The following PPM1E variants were observed in gnomAD, a reference collection of about 807,000 sequenced individuals.
PPM1E encodes protein phosphatase 1E.
PPM1E carries 20 observed loss-of-function variants against 65.9 expected under a neutral mutation model. The ratio of observed to expected loss-of-function variants is 0.30; its 90% CI spans 0.21 to 0.44. The LOEUF (loss-of-function observed/expected upper bound fraction) is 0.44, where lower values mean the gene tolerates loss of function less well. Ranked by LOEUF, PPM1E falls within the 20% of genes least tolerant of loss-of-function variation. The pLI is 1.00. For missense variants in PPM1E, 713 were observed against 953.1 expected, an observed-to-expected ratio of 0.75 and a Z score of 3.32; for synonymous variants, 352 against 374.9, an observed-to-expected ratio of 0.94 and a Z score of 0.70.
intron 1 of PPM1E, among the ~76,000 whole-genome samples, chr17:58,808,465 C>T (rs1333709315): frequency 3.3e-5 from 5 of 151,950 alleles, no homozygotes; most frequent in African/African-American, 4.8e-5. Flanking sequence ...TTTAATTTTA[C>T]AATTTTCTTT....
chr17:58,967,751 T>A lies in PPM1E; in HGVS notation c.784-1788T>A, dbSNP rs116403058. 3.0e-3 allele frequency among the ~76,000 whole-genome samples: 449 copies of A among 151,966 alleles called. 2 individuals carry two copies. The highest frequency in any genetic ancestry group is 0.01 in the African/African-American group (434 of 41,498). ...GGTGCTATTTCGAGTTGTTTAAAAA[T>A]GAGTACTGCTTTAGTAGGGATAGAA... On this transcript the variant is annotated intron_variant, in intron 3 of 6. Coordinates refer to ENST00000308249, the MANE Select transcript of PPM1E (RefSeq NM_014906.5).
intron 1 of PPM1E, among the ~76,000 whole-genome samples, chr17:58,768,909 TC>T (rs1374172849): frequency 1.3e-5 from 2 of 152,182 alleles, no homozygotes; most frequent in African/African-American, 4.8e-5. Context: ...CCTCAGGTGT[TC>T]CACCTGCCTC....
chr17:58,791,141 C>T (rs946516724), intron 1 of PPM1E, among the ~76,000 whole-genome samples: 1 of 152,128 alleles, frequency 6.6e-6, no homozygotes, highest in African/African-American at 2.4e-5. Context: ...ATCCACCCAC[C>T]TCAGCCTCCC....
intron 1 of PPM1E, among the ~76,000 whole-genome samples, chr17:58,773,303 G>C (rs2049958806): frequency 6.6e-6 from 1 of 152,122 alleles, no homozygotes; most frequent in South Asian, 2.1e-4. Context: ...GTAAAACTTA[G>C]GAGGTAGAGA....
At chr17:58,978,472 A>G (rs2031158627) in intron 6 of PPM1E, among the ~76,000 whole-genome samples, 1 of 152,124 alleles carries the variant, frequency 6.6e-6, no homozygotes, top group Admixed American at 6.5e-5. Context: ...GCACTTTGGG[A>G]GGCCGACACA....
At chr17:58,855,888 TA>T (rs1197033580) in intron 1 of PPM1E, among the ~76,000 whole-genome samples, 3 of 152,198 alleles carry the variant, frequency 2.0e-5, no homozygotes, top group Non-Finnish European at 4.4e-5. Flanking sequence ...TGGTGCGGTA[TA>T]AATTATTTTA....
At chr17:58,954,625 C>T (rs983204278) in intron 1 of PPM1E, among the ~76,000 whole-genome samples, 1 of 152,106 alleles carries the variant, frequency 6.6e-6, no homozygotes, top group African/African-American at 2.4e-5. Context: ...CACCTGTAAT[C>T]CCAGCACTTT....
intron 1 of PPM1E, among the ~76,000 whole-genome samples, chr17:58,792,588 C>T (rs999226929): frequency 7.3e-5 from 11 of 151,514 alleles, no homozygotes; most frequent in South Asian, 2.1e-4. Flanking sequence ...GTGATCTGAC[C>T]GCCTTGGGCT....
chr17:58,870,548 G>C (rs1002204543), intron 1 of PPM1E, among the ~76,000 whole-genome samples: 2 of 152,120 alleles, frequency 1.3e-5, no homozygotes, highest in Non-Finnish European at 2.9e-5. Context: ...CCGATGCTTA[G>C]CTCCCACTTA....
At chr17:58,783,078 G>C (rs1366380420) in intron 1 of PPM1E, among the ~76,000 whole-genome samples, 1 of 152,140 alleles carries the variant, frequency 6.6e-6, no homozygotes, top group Admixed American at 6.6e-5. Flanking sequence ...AGATTGCTAT[G>C]AACTTGTAGG....
intron 1 of PPM1E, among the ~76,000 whole-genome samples, chr17:58,815,934 C>T (rs1286557185): frequency 2.6e-5 from 4 of 151,920 alleles, no homozygotes; most frequent in African/African-American, 9.7e-5. Flanking sequence ...GTACATTCTA[C>T]CTGCATTATG....
At chr17:58,937,071 C>G (rs963347689) in intron 1 of PPM1E, among the ~76,000 whole-genome samples, 1 of 149,210 alleles carries the variant, frequency 6.7e-6, no homozygotes, top group Non-Finnish European at 1.5e-5. Context: ...CCGAGGTGGG[C>G]GGATCATGAG....
Position 58,756,124 on chromosome 17 carries a change from C to T in PPM1E, c.127C>T (p.Pro43Ser), listed in dbSNP as rs887312378. ...ACCCGAACCCGAACCCGAACCCGAA[C>T]CCGAGTCCGAGCCCGAGCCCGAACC... Reference protein sequence around the residue: ...PEPEPEPEPEPESEPEPEPEL... With the variant: ...PEPEPEPEPESESEPEPEPEL... Residue 43 changes from proline (P) to serine (S), a missense_variant, in exon 1 of 7, where the codon CCC becomes TCC. Coordinates refer to ENST00000308249, the MANE Select transcript of PPM1E (RefSeq NM_014906.5). 11 of 1,608,388 alleles carry T rather than the reference C, an allele frequency of 6.8e-6. No homozygotes were observed. Among genetic ancestry groups the T allele is most frequent in the Non-Finnish European group, 9.3e-6 (11 of 1,177,480 alleles).
At chr17:58,859,877 G>A (rs1050296272) in intron 1 of PPM1E, among the ~76,000 whole-genome samples, 7 of 152,142 alleles carry the variant, frequency 4.6e-5, no homozygotes, top group Non-Finnish European at 7.4e-5. Flanking sequence ...CATATCAGCC[G>A]TTAATTTAGT....
chr17:58,777,042 G>C (rs924822999), intron 1 of PPM1E, among the ~76,000 whole-genome samples: 7 of 151,990 alleles, frequency 4.6e-5, no homozygotes, highest in African/African-American at 1.7e-4. Context: ...GACCAGCCTG[G>C]GCAACATAGC....
intron 6 of PPM1E, among the ~76,000 whole-genome samples, chr17:58,975,612 G>A (rs570432046): frequency 1.3e-3 from 202 of 152,312 alleles, no homozygotes; most frequent in African/African-American, 4.7e-3. Flanking sequence ...ATACACAGGG[G>A]TTTGAAAAGG....
At chr17:58,833,100 A>T (rs1193106148) in intron 1 of PPM1E, among the ~76,000 whole-genome samples, 2 of 151,844 alleles carry the variant, frequency 1.3e-5, no homozygotes, top group African/African-American at 4.8e-5. Context: ...TTTCACAGTT[A>T]TTATATACAA....
At chr17:58,802,873 G>T (rs2050271743) in intron 1 of PPM1E, among the ~76,000 whole-genome samples, 2 of 150,510 alleles carry the variant, frequency 1.3e-5, no homozygotes, top group South Asian at 2.1e-4. Flanking sequence ...ATTTTTGTGT[G>T]TTTTTTTTTA....
chr17:58,780,244 C>T (rs1259337494), intron 1 of PPM1E, among the ~76,000 whole-genome samples: 1 of 152,226 alleles, frequency 6.6e-6, no homozygotes, highest in Admixed American at 6.5e-5. Context: ...TGCCATGGCT[C>T]ACGCCTGTAA....
Sources: allele counts gnomAD v4.1 joint callset (sites outside exome capture counted in the v4.1 genomes callset), GRCh38; gene constraint gnomAD v4.1.1; transcripts MANE v1.5; gene names NCBI Gene and HGNC (gene_info 2026-07-23, HGNC 2026-07-21).